HPS1: variants seen among roughly 807,000 people sequenced by gnomAD.
The protein encoded by HPS1 is HPS1 biogenesis of lysosomal organelles complex 3 subunit 1, also known as BLOC-3 complex member HPS1.
A neutral mutation model predicts 90.6 loss-of-function variants in HPS1; 59 were observed. That is an observed-to-expected ratio of 0.65 (90% CI 0.53 to 0.81). HPS1 has a LOEUF of 0.81. Among genes scored for constraint, HPS1 ranks in the 30% least tolerant of loss-of-function variants. HPS1 has a pLI of 0.00. For synonymous variants in HPS1, 388 were observed against 384.4 expected (o/e 1.01, Z -0.11); for missense variants, 849 against 896.7 (o/e 0.95, Z 0.68).
intron 10 of HPS1, 129 bp downstream of exon 10, chr10:98,429,444 T>C (rs2136190783): frequency 1.3e-6 from 2 of 1,568,344 alleles, no homozygotes; most frequent in South Asian, 1.2e-5. Flanking sequence ...TCCTGTGCTC[T>C]AGGAACACGG....
chr10:98,415,202 G>A (rs41290484), downstream of HPS1: 13,185 of 1,566,356 alleles, frequency 8.4e-3, 76 homozygotes, highest in Non-Finnish European at 0.01. Context: ...GCTGCCCTAG[G>A]CACGGGGTGG....
At chr10:98,436,577 C>A (rs1001995103) in intron 3 of HPS1, among the ~76,000 whole-genome samples, 1 of 152,134 alleles carries the variant, frequency 6.6e-6, no homozygotes, top group African/African-American at 2.4e-5. Context: ...ATTCTCTCAG[C>A]TCTCCAAAAG....
intron 5 of HPS1, chr10:98,434,974 G>A (rs577496963): frequency 2.3e-6 from 1 of 440,978 alleles, no homozygotes; most frequent in African/African-American, 2.0e-5. Flanking sequence ...ATGTTGGGAG[G>A]ATGGAAAGAG....
chr10:98,414,956 CA>C, downstream of HPS1: 1 of 1,585,984 alleles, frequency 6.3e-7, no homozygotes, highest in East Asian at 2.3e-5. Flanking sequence ...AAGCTCTGAG[CA>C]GGGCTGTCTT....
intron 14 of HPS1, 145 bp downstream of exon 14, chr10:98,424,168 G>C (rs566304697): frequency 2.6e-6 from 2 of 757,744 alleles, no homozygotes; most frequent in Non-Finnish European, 4.6e-6. Context: ...TTCTCCACGC[G>C]GTGCTCCACG....
downstream of HPS1, chr10:98,414,938 T>A: frequency 1.0e-3 from 1,468 of 1,432,668 alleles, no homozygotes; most frequent in Non-Finnish European, 1.2e-3. Context: ...CCCCTCCCCC[T>A]CCCCACCAAG....
chr10:98,422,602 G>T (rs530639660), intron 16 of HPS1, 89 bp from the exon 17 acceptor site: 2 of 1,349,720 alleles, frequency 1.5e-6, no homozygotes, highest in Non-Finnish European at 2.1e-6. Flanking sequence ...AGTCATGGTG[G>T]CAGGAGGGCC....
intron 6 of HPS1, among the ~76,000 whole-genome samples, chr10:98,432,454 GT>G (rs545747695): frequency 3.3e-5 from 5 of 152,206 alleles, no homozygotes; most frequent in Admixed American, 1.3e-4. Context: ...GGTACTATAT[GT>G]TTATTGGAAG....
In HPS1 at chr10:98,429,653, G is replaced by A. The variant is rs1407528368; in HGVS notation, c.868-11C>T. 1 of 1,614,210 alleles carries A rather than the reference G, an allele frequency of 6.2e-7. No individual in the cohort carries two copies. Among genetic ancestry groups the A allele is most frequent in the Non-Finnish European group, 8.5e-7 (1 of 1,180,038 alleles). The stretch of plus-strand genomic sequence containing the variant: ...GAAGCTGTCTGTCTCCTGGAATGGA[G>A]AAGGTGGCTCAGGTTGAGAGGCTCT... On this transcript the variant is annotated splice_polypyrimidine_tract_variant and intron_variant, in intron 9 of 19. Transcript: ENST00000361490.
rs281865089 is a variant in HPS1, at chr10:98,420,153, C to G, written c.1749G>C (p.Trp583Cys). Reference sequence around the variant, plus strand: ...ATCTGCGCGCCAGCTGGATCAGAGACCAGACCTGGGGAAAAGACAGCAAGC... The same window carrying G: ...ATCTGCGCGCCAGCTGGATCAGAGAGCAGACCTGGGGAAAAGACAGCAAGC... ...PLAAFVKTKVWSLIQLARRYL... is the reference protein window; with the variant it reads ...PLAAFVKTKVCSLIQLARRYL... Residue 583 changes from tryptophan (W) to cysteine (C), a missense_variant, in exon 18 of 20, where the codon TGG becomes TGC. Physicochemically the swap from Trp to Cys is radical, Grantham distance 215 (BLOSUM62 -2). Transcript: ENST00000361490. 3 of 1,611,534 alleles carry G rather than the reference C, an allele frequency of 1.9e-6. No homozygotes were observed. Among genetic ancestry groups the G allele is most frequent in the Non-Finnish European group, 2.5e-6 (3 of 1,177,706 alleles).
chr10:98,433,047 C>A (rs1156568540), intron 6 of HPS1, among the ~76,000 whole-genome samples: 1 of 152,080 alleles, frequency 6.6e-6, no homozygotes, highest in Non-Finnish European at 1.5e-5. Flanking sequence ...GCCTGACCAA[C>A]ATAGTGAAAC....
chr10:98,427,876 G>A (rs1384684308), intron 10 of HPS1, among the ~76,000 whole-genome samples: 1 of 152,142 alleles, frequency 6.6e-6, no homozygotes, highest in Non-Finnish European at 1.5e-5. Context: ...TTTCTTTGGG[G>A]GAAGTGTGTT....
rs574706001 is a variant in HPS1 at position 98,429,516 on chromosome 10, G to A, written c.937+57C>T. On this transcript the variant is annotated intron_variant, in intron 10 of 19. Transcript: ENST00000361490. ...ACTGGAGCCTAAGACAGATGTCCTGGGCTGCCTGTCGCTCGCAGCTAGCTA... is the reference window on the plus strand; with the variant it reads ...ACTGGAGCCTAAGACAGATGTCCTGAGCTGCCTGTCGCTCGCAGCTAGCTA... 105 of 1,613,466 alleles carry A rather than the reference G, an allele frequency of 6.5e-5. No homozygotes were observed. In the East Asian group the frequency reaches 2.3e-3, roughly 35 times the overall value.
chr10:98,419,386 G>A (rs1591014710), intron 18 of HPS1, among the ~76,000 whole-genome samples: 1 of 152,112 alleles, frequency 6.6e-6, no homozygotes, highest in Non-Finnish European at 1.5e-5. Context: ...AGCGAAGAAA[G>A]GGAAAAGACA....
chr10:98,426,772 GTGTGTGTA>G (rs1276864893), intron 11 of HPS1, among the ~76,000 whole-genome samples: 1 of 143,354 alleles, frequency 7.0e-6, no homozygotes, highest in Admixed American at 7.3e-5. Context: ...GTGTGTGTGT[GTGTGTGTA>G]AAGTCATAGG....
At chr10:98,433,826 C>A (rs915957080) in intron 6 of HPS1, 157 bp downstream of exon 6, 19 of 1,055,126 alleles carry the variant, frequency 1.8e-5, no homozygotes, top group Admixed American at 1.7e-4. Flanking sequence ...GGTACCCAAC[C>A]CTCCATATGG....
chr10:98,438,599 A>G (rs1184368551), intron 3 of HPS1, among the ~76,000 whole-genome samples: 2 of 152,200 alleles, frequency 1.3e-5, no homozygotes, highest in African/African-American at 2.4e-5. Flanking sequence ...TCTAAAAAGC[A>G]CTCAGTTTTA....
chr10:98,422,930 G>A (rs186236169), intron 16 of HPS1, among the ~76,000 whole-genome samples: 2 of 152,298 alleles, frequency 1.3e-5, no homozygotes, highest in East Asian at 3.9e-4. Context: ...ATGAGAGTTT[G>A]GAAGGCTCCC....
intron 8 of HPS1, 94 bp from the exon 9 acceptor site, chr10:98,429,983 C>A: frequency 1.0e-6 from 1 of 998,920 alleles, no homozygotes; most frequent in Non-Finnish European, 1.5e-6. Flanking sequence ...AAGCCTCCAC[C>A]CCTCCACCCC....
Sources: allele counts gnomAD v4.1 joint callset (sites outside exome capture counted in the v4.1 genomes callset), GRCh38; gene constraint gnomAD v4.1.1; transcripts MANE v1.5; gene names NCBI Gene and HGNC (gene_info 2026-07-23, HGNC 2026-07-21).